Variants in MACROD2 observed in about 807,000 individuals in gnomAD.
MACROD2 encodes the protein mono-ADP ribosylhydrolase 2.
A neutral mutation model predicts 70.4 loss-of-function variants in MACROD2; 36 were observed. The observed-to-expected ratio is 0.51, with a 90% CI of 0.39 to 0.68. MACROD2 has a LOEUF of 0.68. MACROD2 is among the 30% of genes least tolerant of loss of function. The pLI is 0.00. For missense variants in MACROD2, 496 were observed against 538.4 expected, an observed-to-expected ratio of 0.92 and a Z score of 0.78; for synonymous variants, 172 against 178.8, an observed-to-expected ratio of 0.96 and a Z score of 0.30.
intron 7 of MACROD2, among the ~76,000 whole-genome samples, chr20:15,494,249 G>T (rs1226886892): frequency 6.6e-6 from 1 of 151,920 alleles, no homozygotes; most frequent in Non-Finnish European, 1.5e-5. Flanking sequence ...AGTGTTATTG[G>T]CACAGCTGCT....
chr20:14,620,786 A>C (rs147442342), intron 4 of MACROD2, among the ~76,000 whole-genome samples: 1 of 152,302 alleles, frequency 6.6e-6, no homozygotes, highest in Non-Finnish European at 1.5e-5. Context: ...CGGAGAGCAC[A>C]TGATTTTCAT....
intron 7 of MACROD2, among the ~76,000 whole-genome samples, chr20:15,485,545 A>G (rs1403424278): frequency 2.0e-5 from 3 of 152,146 alleles, no homozygotes; most frequent in South Asian, 2.1e-4. Context: ...ATTCTACCAC[A>G]AACTTGGTCC....
intron 1 of MACROD2, among the ~76,000 whole-genome samples, chr20:13,998,143 A>G (rs564459138): frequency 1.3e-5 from 2 of 152,296 alleles, no homozygotes; most frequent in African/African-American, 4.8e-5. Context: ...AGCATTCTTT[A>G]AATAAAAGTT....
chr20:14,161,588 T>C (rs1374537215), intron 3 of MACROD2, among the ~76,000 whole-genome samples: 1 of 151,294 alleles, frequency 6.6e-6, no homozygotes, highest in Non-Finnish European at 1.5e-5. Context: ...TTTTTTTTTT[T>C]TTTCTTGAGA....
At chr20:15,379,100 A>G (rs2045606003) in intron 6 of MACROD2, among the ~76,000 whole-genome samples, 1 of 152,224 alleles carries the variant, frequency 6.6e-6, no homozygotes, top group Non-Finnish European at 1.5e-5. Context: ...TATTACAAAT[A>G]GTTATTGAAA....
At chr20:14,640,040 G>T (rs1265967614) in intron 4 of MACROD2, among the ~76,000 whole-genome samples, 1 of 152,032 alleles carries the variant, frequency 6.6e-6, no homozygotes, top group Admixed American at 6.6e-5. Context: ...GTACTTCGGG[G>T]TTACCTGTGG....
At chr20:14,748,221 C>T (rs946361820) in intron 5 of MACROD2, among the ~76,000 whole-genome samples, 9 of 152,094 alleles carry the variant, frequency 5.9e-5, no homozygotes, top group African/African-American at 4.8e-5. Context: ...GAACATGTTT[C>T]CCAGTCAGGC....
In MACROD2 at chr20:14,820,313, G is replaced by A. The variant is rs892551864; in HGVS notation, c.418+135354G>A. ...AGGAGTCGTGGATGTAGATTTAACC[G>A]TTCTGGTATCTGAAGGTGGTGGGAT... On this transcript the variant is annotated intron_variant, in intron 5 of 17. Coordinates refer to ENST00000684519, the MANE Select transcript of MACROD2 (RefSeq NM_001351661.2). 1.1e-4 allele frequency among the ~76,000 whole-genome samples: 17 copies of A among 147,862 alleles called. 1 individual carries two copies. The highest frequency in any genetic ancestry group is 7.4e-4 in the Admixed American group (11 of 14,822).
intron 15 of MACROD2, among the ~76,000 whole-genome samples, chr20:16,012,119 T>C (rs531830715): frequency 1.1e-4 from 17 of 152,320 alleles, no homozygotes; most frequent in African/African-American, 3.8e-4. Context: ...TCTCTGAGCC[T>C]ATTGGCAGCT....
At chr20:15,301,676 C>T (rs1280728540) in intron 6 of MACROD2, among the ~76,000 whole-genome samples, 1 of 141,890 alleles carries the variant, frequency 7.0e-6, no homozygotes, top group Non-Finnish European at 1.5e-5. Flanking sequence ...AAGCAATCCT[C>T]CTGCCTCAGC....
rs563592511 is a variant in MACROD2, at chr20:14,782,017, G to A, written c.418+97058G>A. Among the ~76,000 whole-genome samples, 13 of 151,850 alleles carry A rather than the reference G, an allele frequency of 8.6e-5. 1 individual carries two copies. In the East Asian group the frequency reaches 9.7e-4, roughly 11 times the overall value. ...CAGCTCACTGCAACCTCCGCCTCCC[G>A]GGTTCAAGTGATCCTCCCACCTCAG... On this transcript the variant is annotated intron_variant, in intron 5 of 17. Transcript: ENST00000684519.
intron 15 of MACROD2, among the ~76,000 whole-genome samples, chr20:16,004,573 T>TAGCAGCTCTCTTATC (rs1159651153): frequency 1.3e-5 from 2 of 152,228 alleles, no homozygotes; most frequent in African/African-American, 4.8e-5. Context: ...TAGTTTTATT[T>TAGCAGCTCTCTTATC]AGCAGCTCTC....
chr20:14,036,905 C>T (rs372516527), intron 2 of MACROD2, among the ~76,000 whole-genome samples: 6 of 152,164 alleles, frequency 3.9e-5, no homozygotes, highest in Admixed American at 3.9e-4. Flanking sequence ...TGATTACTTG[C>T]AGTAATTATG....
chr20:14,242,268 G>A (rs2081936186), intron 3 of MACROD2, among the ~76,000 whole-genome samples: 1 of 152,068 alleles, frequency 6.6e-6, no homozygotes, highest in Non-Finnish European at 1.5e-5. Flanking sequence ...AAAAATCACA[G>A]ACTTCACGTT....
At chr20:14,199,539 C>G (rs2081461825) in intron 3 of MACROD2, among the ~76,000 whole-genome samples, 1 of 152,162 alleles carries the variant, frequency 6.6e-6, no homozygotes, top group East Asian at 1.9e-4. Context: ...CTACCCAATT[C>G]CTTACCAAAA....
At chr20:14,036,003 G>A (rs768042404) in intron 2 of MACROD2, among the ~76,000 whole-genome samples, 4 of 149,674 alleles carry the variant, frequency 2.7e-5, no homozygotes, top group Non-Finnish European at 5.9e-5. Flanking sequence ...TTAGCCAGGC[G>A]TGGTGGCGGG....
chr20:15,320,007 G>A lies in MACROD2; in HGVS notation c.540+89946G>A, dbSNP rs768271572. Among the ~76,000 whole-genome samples, 8 of 152,054 alleles carry A rather than the reference G, an allele frequency of 5.3e-5. No homozygotes were observed. The East Asian group carries it at 9.7e-4, about 18-fold the overall frequency. ...GCGGATCACCTCAGGTCAGGAGTTCGAGACCAGCCTGGCCAACATGGTGAA... is the reference window on the plus strand; with the variant it reads ...GCGGATCACCTCAGGTCAGGAGTTCAAGACCAGCCTGGCCAACATGGTGAA... On this transcript the variant is annotated intron_variant, in intron 6 of 17. Coordinates refer to ENST00000684519, the MANE Select transcript of MACROD2 (RefSeq NM_001351661.2).
intron 3 of MACROD2, among the ~76,000 whole-genome samples, chr20:14,441,228 A>G (rs1411046669): frequency 1.3e-5 from 2 of 152,144 alleles, no homozygotes; most frequent in Non-Finnish European, 2.9e-5. Context: ...CTGCTCTGGG[A>G]TCGCTATGTA....
At chr20:14,714,257 G>A (rs576050146) in intron 5 of MACROD2, among the ~76,000 whole-genome samples, 2 of 152,090 alleles carry the variant, frequency 1.3e-5, no homozygotes, top group South Asian at 4.2e-4. Flanking sequence ...AATAAAGAGT[G>A]AGGCAACACA....
Sources: gnomAD v4.1 joint callset for allele counts (sites outside exome capture counted in the v4.1 genomes callset) on GRCh38, gnomAD v4.1.1 for gene constraint, MANE v1.5 for transcripts, NCBI Gene and HGNC (gene_info 2026-07-23, HGNC 2026-07-21) for gene names.